PPARGC1A: variants seen among roughly 807,000 people sequenced by gnomAD.
The protein encoded by PPARGC1A is PPARG coactivator 1 alpha.
Under a neutral mutation model 88.7 loss-of-function variants are expected in PPARGC1A, and 25 were observed. The ratio of observed to expected loss-of-function variants is 0.28; its 90% confidence interval spans 0.21 to 0.39. The LOEUF is 0.39. Among genes scored for constraint, PPARGC1A ranks in the 10% least tolerant of loss-of-function variants. The pLI is 1.00. For synonymous variants in PPARGC1A, 363 were observed against 355.6 expected (o/e 1.02, Z -0.24); for missense variants, 880 against 968.7 (o/e 0.91, Z 1.22).
the PPARGC1A span, among the ~76,000 whole-genome samples, chr4:23,996,035 G>A: frequency 6.6e-6 from 1 of 152,090 alleles, no homozygotes; most frequent in Non-Finnish European, 1.5e-5. Flanking sequence ...CGATGCTAAG[G>A]GGAAAACAGG....
At chr4:24,292,482 C>T in the PPARGC1A span, among the ~76,000 whole-genome samples, 1 of 151,070 alleles carries the variant, frequency 6.6e-6, no homozygotes, top group Non-Finnish European at 1.5e-5. Flanking sequence ...CCTATGTGCA[C>T]TCCTTCCTAA....
chr4:23,969,762 T>C, the PPARGC1A span, among the ~76,000 whole-genome samples: 2 of 152,172 alleles, frequency 1.3e-5, no homozygotes, highest in Non-Finnish European at 2.9e-5. Context: ...ACTGGGTCAC[T>C]CATTGAACCC....
the PPARGC1A span, among the ~76,000 whole-genome samples, chr4:24,162,948 G>C: frequency 6.6e-6 from 1 of 151,420 alleles, no homozygotes; most frequent in East Asian, 1.9e-4. Flanking sequence ...CAAGTGTTTT[G>C]TTACATTTTC....
chr4:23,874,583 A>G (rs1236252198), intron 2 of PPARGC1A, among the ~76,000 whole-genome samples: 1 of 151,884 alleles, frequency 6.6e-6, no homozygotes, highest in Non-Finnish European at 1.5e-5. Flanking sequence ...GATATGAGAG[A>G]GTGTATATGC....
the PPARGC1A span, among the ~76,000 whole-genome samples, chr4:24,404,001 C>G: frequency 6.6e-6 from 1 of 152,100 alleles, no homozygotes; most frequent in South Asian, 2.1e-4. Context: ...AGGTGGCTCA[C>G]GCCTGTAATC....
At chr4:24,110,015 G>A in the PPARGC1A span, among the ~76,000 whole-genome samples, 2 of 152,078 alleles carry the variant, frequency 1.3e-5, no homozygotes, top group Non-Finnish European at 2.9e-5. Context: ...CTCCAGCAGG[G>A]GTCTCTGACT....
chr4:24,471,254 C>T, the PPARGC1A span, among the ~76,000 whole-genome samples: 1 of 152,016 alleles, frequency 6.6e-6, no homozygotes, highest in African/African-American at 2.4e-5. This position sits in a 1 kb window ranked among gnomAD's most constrained non-coding sequence, Gnocchi z 5.4. Flanking sequence ...TGCCTTTCAC[C>T]ATTGCTCCTC....
chr4:23,795,628 G>A lies in PPARGC1A; in HGVS notation c.*194C>T, dbSNP rs1717443407. On this transcript the variant is annotated 3_prime_UTR_variant, in exon 13 of 13. Coordinates refer to ENST00000264867, the MANE Select transcript of PPARGC1A (RefSeq NM_013261.5). Reference sequence around the variant, plus strand: ...CATTCTGTCTCTTGCCTCTTCAGCAGCTGTGTTCATGTAAACCATTGTTGT... The same window carrying A: ...CATTCTGTCTCTTGCCTCTTCAGCAACTGTGTTCATGTAAACCATTGTTGT... 1 of 530,218 alleles carries A rather than the reference G, an allele frequency of 1.9e-6. No individual in the cohort carries two copies. The highest frequency in any genetic ancestry group is 3.8e-5 in the Admixed American group (1 of 26,514). The allele number at this position is 530,218 out of a possible 1,614,324, so 32.8% of individuals were successfully genotyped here.
the PPARGC1A span, among the ~76,000 whole-genome samples, chr4:24,107,922 T>G: frequency 6.6e-6 from 1 of 152,108 alleles, no homozygotes; most frequent in Non-Finnish European, 1.5e-5. Flanking sequence ...ATTTATTAGG[T>G]TTGCCAAGTA....
the PPARGC1A span, among the ~76,000 whole-genome samples, chr4:23,984,024 T>G: frequency 6.6e-6 from 1 of 152,150 alleles, no homozygotes; most frequent in African/African-American, 2.4e-5. Context: ...TAGTCATTTA[T>G]AAATTATATA....
chr4:24,172,633 G>C, the PPARGC1A span, among the ~76,000 whole-genome samples: 1 of 152,228 alleles, frequency 6.6e-6, no homozygotes, highest in Non-Finnish European at 1.5e-5. Context: ...ATGTGAAAGT[G>C]AATGCCTGGG....
At chr4:24,071,392 A>T in the PPARGC1A span, among the ~76,000 whole-genome samples, 1 of 152,172 alleles carries the variant, frequency 6.6e-6, no homozygotes, top group Admixed American at 6.5e-5. Flanking sequence ...ACTATAACTT[A>T]ATATTAACAT....
chr4:23,939,235 C>A, the PPARGC1A span, among the ~76,000 whole-genome samples: 3 of 152,090 alleles, frequency 2.0e-5, no homozygotes, highest in Non-Finnish European at 4.4e-5. Context: ...AAACCCCCCC[C>A]CAAATAAAGC....
At chr4:24,460,152 T>C in the PPARGC1A span, among the ~76,000 whole-genome samples, 5 of 152,208 alleles carry the variant, frequency 3.3e-5, no homozygotes, top group Non-Finnish European at 7.3e-5. Context: ...TAATACAGAT[T>C]TAGTCATTAT....
the PPARGC1A span, among the ~76,000 whole-genome samples, chr4:24,065,262 A>C: frequency 7.9e-5 from 12 of 152,036 alleles, no homozygotes; most frequent in South Asian, 2.1e-3. Flanking sequence ...CTGCTTGGCC[A>C]GCATCTAGGT....
chr4:24,304,203 C>T, the PPARGC1A span, among the ~76,000 whole-genome samples: 1 of 152,264 alleles, frequency 6.6e-6, no homozygotes, highest in Admixed American at 6.5e-5. Context: ...GCTTGTGTGG[C>T]AATGGGGCAG....
At chr4:23,843,353 T>A (rs1727406703) in intron 2 of PPARGC1A, among the ~76,000 whole-genome samples, 1 of 152,126 alleles carries the variant, frequency 6.6e-6, no homozygotes, top group Non-Finnish European at 1.5e-5. Context: ...TTTGGGGTCC[T>A]GAGTACATCA....
the PPARGC1A span, among the ~76,000 whole-genome samples, chr4:23,962,900 C>A: frequency 6.6e-6 from 1 of 152,286 alleles, no homozygotes; most frequent in South Asian, 2.1e-4. Flanking sequence ...GAGCTCCTAG[C>A]TGCAAATTTC....
chr4:23,882,283 T>C (rs1024675958), intron 2 of PPARGC1A, among the ~76,000 whole-genome samples: 3 of 152,236 alleles, frequency 2.0e-5, no homozygotes, highest in African/African-American at 7.2e-5. Context: ...GATATCGTTA[T>C]ACGACTTCTC....
Sources: allele counts gnomAD v4.1 joint callset (sites outside exome capture counted in the v4.1 genomes callset), GRCh38; gene constraint gnomAD v4.1.1; non-coding constraint Gnocchi (gnomAD v3.1); transcripts MANE v1.5; gene names NCBI Gene and HGNC (gene_info 2026-07-23, HGNC 2026-07-21).